Variants in ZCWPW2 observed in about 807,000 individuals in gnomAD.
The protein encoded by ZCWPW2 is zinc finger CW-type and PWWP domain containing 2.
Under a neutral mutation model 46.6 loss-of-function variants are expected in ZCWPW2, and 45 were observed. The observed-to-expected ratio is 0.96, with a 90% confidence interval of 0.76 to 1.24. ZCWPW2 has a LOEUF of 1.24. ZCWPW2 is among the 50% of genes most tolerant of loss of function. The pLI is 0.00. For synonymous variants in ZCWPW2, 152 were observed against 137.1 expected (o/e 1.11, Z -0.76); for missense variants, 429 against 403.9 (o/e 1.06, Z -0.53).
chr3:28,495,228 G>A (rs1272862692), intron 6 of ZCWPW2, among the ~76,000 whole-genome samples: 4 of 152,018 alleles, frequency 2.6e-5, no homozygotes, highest in African/African-American at 9.7e-5. Context: ...GCTTTTCACT[G>A]GCTGAATAAT....
chr3:28,411,587 C>T (rs559948045), intron 2 of ZCWPW2, among the ~76,000 whole-genome samples: 12 of 152,156 alleles, frequency 7.9e-5, no homozygotes, highest in African/African-American at 2.9e-4. Context: ...CACACACACA[C>T]TTCATGTGAA....
chr3:28,519,286 G>A (rs1700657084), intron 8 of ZCWPW2, among the ~76,000 whole-genome samples: 1 of 152,172 alleles, frequency 6.6e-6, no homozygotes, highest in African/African-American at 2.4e-5. Context: ...ACTAGAAGGA[G>A]GTGATAGCTA....
chr3:28,397,040 A>G (rs1695728152), intron 2 of ZCWPW2, among the ~76,000 whole-genome samples: 1 of 151,584 alleles, frequency 6.6e-6, no homozygotes, highest in African/African-American at 2.4e-5. Context: ...GAGGCATGAG[A>G]ATCATTTGAA....
chr3:28,385,487 C>T (rs7612033), intron 1 of ZCWPW2, among the ~76,000 whole-genome samples: 119,919 of 152,200 alleles, frequency 0.79, 47,994 homozygotes, highest in African/African-American at 0.94. Flanking sequence ...TCAAGGTTGA[C>T]GAGATGTCCC....
intron 1 of ZCWPW2, among the ~76,000 whole-genome samples, chr3:28,352,723 G>A (rs1704604703): frequency 1.3e-5 from 2 of 152,080 alleles, no homozygotes; most frequent in South Asian, 2.1e-4. Context: ...CGTTACACTT[G>A]CAAATGTTTG....
In ZCWPW2 at chr3:28,422,785, T is replaced by TG. The variant is rs1559498164; in HGVS notation, c.332+9385_332+9386insG. 3.5e-4 allele frequency among the ~76,000 whole-genome samples: 53 copies of TG among 151,756 alleles called. 1 individual carries two copies. Among genetic ancestry groups the TG allele is most frequent in the Middle Eastern group, 3.4e-3 (1 of 294 alleles). On this transcript the variant is annotated intron_variant, in intron 3 of 9. Transcript: ENST00000383768. ...TATGAGTATGTGTGTGTGTGTGTGTTTTTTTTTAAGAAAATGCTAAACTGT... is the reference window on the plus strand; with the variant it reads ...TATGAGTATGTGTGTGTGTGTGTGTTGTTTTTTTAAGAAAATGCTAAACTGT...
chr3:28,351,922 C>T (rs1704567172), intron 1 of ZCWPW2, among the ~76,000 whole-genome samples: 1 of 152,042 alleles, frequency 6.6e-6, no homozygotes, highest in Non-Finnish European at 1.5e-5. Flanking sequence ...CTCTGTTTTC[C>T]TGACATATCA....
chr3:28,487,883 G>T (rs1699659318), intron 5 of ZCWPW2, among the ~76,000 whole-genome samples: 1 of 152,044 alleles, frequency 6.6e-6, no homozygotes, highest in Non-Finnish European at 1.5e-5. Flanking sequence ...GACGGGGCTG[G>T]AGTTGAGTAT....
chr3:28,474,586 CGTGTGTGTGTGTGTGTGTGT>C (rs71087699), intron 4 of ZCWPW2, among the ~76,000 whole-genome samples: 1 of 136,170 alleles, frequency 7.3e-6, no homozygotes, highest in African/African-American at 2.9e-5. Context: ...TTAAATACAG[CGTGTGTGTGTGTGTGTGTGT>C]GTGTGTGTGT....
chr3:28,405,966 G>A lies in ZCWPW2; in HGVS notation c.-13-7090G>A, dbSNP rs181203830. On this transcript the variant is annotated intron_variant, in intron 2 of 9. Coordinates refer to ENST00000383768, the MANE Select transcript of ZCWPW2 (RefSeq NM_001040432.4). ...AGGAACATATCATAAAGCAATGGAGGAAAGGCCATCCTTGTTATAATGTGG... is the reference window on the plus strand; with the variant it reads ...AGGAACATATCATAAAGCAATGGAGAAAAGGCCATCCTTGTTATAATGTGG... Among the ~76,000 whole-genome samples, 32 of 152,316 alleles carry A rather than the reference G, an allele frequency of 2.1e-4. No individual in the cohort carries two copies. In the East Asian group the frequency reaches 4.6e-3, roughly 22 times the overall value.
At chr3:28,363,422 C>G (rs1001722396) in intron 1 of ZCWPW2, among the ~76,000 whole-genome samples, 18 of 152,230 alleles carry the variant, frequency 1.2e-4, no homozygotes, top group African/African-American at 3.4e-4. Flanking sequence ...TCATTCTTGG[C>G]AGATTGTTTC....
At chr3:28,405,837 G>A (rs1156558251) in intron 2 of ZCWPW2, among the ~76,000 whole-genome samples, 1 of 152,112 alleles carries the variant, frequency 6.6e-6, no homozygotes, top group Non-Finnish European at 1.5e-5. Context: ...AATAGAGAAT[G>A]TCTCAATCTT....
rs1001351088 is a variant in ZCWPW2 at position 28,454,086 on chromosome 3, C to T, written c.492+18817C>T. On this transcript the variant is annotated intron_variant, in intron 4 of 9. Transcript: ENST00000383768. ...GTCTCGATCTCCTGACCTCGTGATC[C>T]GCCCGCCTCGGCCTCCCAAAGTGCT... Among the ~76,000 whole-genome samples, 77 of 151,966 alleles carry T rather than the reference C, an allele frequency of 5.1e-4. No homozygotes were observed. The East Asian group carries it at 6.8e-3, about 13-fold the overall frequency.
chr3:28,442,347 A>G (rs1269603538), intron 4 of ZCWPW2, among the ~76,000 whole-genome samples: 6 of 152,186 alleles, frequency 3.9e-5, no homozygotes, highest in African/African-American at 1.4e-4. Context: ...CTGAATTTTA[A>G]TTGGATTTAT....
intron 9 of ZCWPW2, among the ~76,000 whole-genome samples, chr3:28,524,107 A>G (rs1231207480): frequency 3.9e-5 from 6 of 152,012 alleles, no homozygotes; most frequent in Non-Finnish European, 1.5e-5. Flanking sequence ...ATCCTTTCCC[A>G]CTAAGCAAGA....
At chr3:28,389,161 A>C (rs1424784333) in intron 1 of ZCWPW2, among the ~76,000 whole-genome samples, 1 of 152,124 alleles carries the variant, frequency 6.6e-6, no homozygotes, top group Non-Finnish European at 1.5e-5. Flanking sequence ...ACAGGAAGCA[A>C]AAATGTTACT....
intron 3 of ZCWPW2, among the ~76,000 whole-genome samples, chr3:28,420,669 C>T (rs987795382): frequency 6.6e-6 from 1 of 151,414 alleles, no homozygotes; most frequent in African/African-American, 2.4e-5. Context: ...CTTTGTAAGG[C>T]CATGCTGCTG....
At chr3:28,385,519 T>TA (rs1477458028) in intron 1 of ZCWPW2, among the ~76,000 whole-genome samples, 1 of 152,188 alleles carries the variant, frequency 6.6e-6, no homozygotes, top group African/African-American at 2.4e-5. Context: ...ATCCAGGCCT[T>TA]ATGGTTACAG....
chr3:28,367,178 T>G lies in ZCWPW2; in HGVS notation c.-134+17975T>G, dbSNP rs1438784259. Among the ~76,000 whole-genome samples, 7 of 152,316 alleles carry G rather than the reference T, an allele frequency of 4.6e-5. No individual in the cohort carries two copies. The South Asian group carries it at 1.4e-3, about 32-fold the overall frequency. ...GCTCTGATCTTAGTTATTTCTTGCCTTCTGCTAGCTTTTGAATGTGTTTGC... is the reference window on the plus strand; with the variant it reads ...GCTCTGATCTTAGTTATTTCTTGCCGTCTGCTAGCTTTTGAATGTGTTTGC... On this transcript the variant is annotated intron_variant, in intron 1 of 9. Coordinates refer to ENST00000383768, the MANE Select transcript of ZCWPW2 (RefSeq NM_001040432.4).
Sources: allele counts gnomAD v4.1 joint callset (sites outside exome capture counted in the v4.1 genomes callset), GRCh38; gene constraint gnomAD v4.1.1; transcripts MANE v1.5; gene names NCBI Gene and HGNC (gene_info 2026-07-23, HGNC 2026-07-21).